The following GALNT13 variants were observed in gnomAD, a reference collection of about 807,000 sequenced individuals.
The protein encoded by GALNT13 is UDP-GalNAc:polypeptide N-acetylgalactosaminyltransferase 13.
A neutral mutation model predicts 64.2 loss-of-function variants in GALNT13; 28 were observed. That is an observed-to-expected ratio of 0.44 (90% CI 0.32 to 0.60). The LOEUF (loss-of-function observed/expected upper bound fraction) is 0.60. Among genes scored for constraint, GALNT13 ranks in the 20% least tolerant of loss-of-function variants. The pLI, the probability that GALNT13 is intolerant of heterozygous loss-of-function variation, is 0.05. For synonymous variants in GALNT13, 214 were observed against 224.6 expected, an observed-to-expected ratio of 0.95 and a Z score of 0.42; for missense variants, 577 against 669.8, an observed-to-expected ratio of 0.86 and a Z score of 1.53.
chr2:154,157,360 A>T (rs1684480939), intron 4 of GALNT13, among the ~76,000 whole-genome samples: 1 of 152,062 alleles, frequency 6.6e-6, no homozygotes, highest in South Asian at 2.1e-4. Context: ...CTTAAGCACA[A>T]GTGCACTGTT....
the GALNT13 span, among the ~76,000 whole-genome samples, chr2:153,589,243 C>T: frequency 6.6e-6 from 1 of 152,328 alleles, no homozygotes; most frequent in African/African-American, 2.4e-5. Context: ...TGCCGCCAGT[C>T]TCTTTGCTAA....
chr2:153,221,289 T>C, the GALNT13 span, among the ~76,000 whole-genome samples: 2 of 152,044 alleles, frequency 1.3e-5, no homozygotes, highest in African/African-American at 4.8e-5. Flanking sequence ...TCAAAATACA[T>C]ACATGCATAC....
At chr2:153,313,192 A>G in the GALNT13 span, among the ~76,000 whole-genome samples, 41 of 152,324 alleles carry the variant, frequency 2.7e-4, no homozygotes, top group African/African-American at 9.1e-4. Flanking sequence ...TACTGGATAT[A>G]TACTCAAAGG....
intron 9 of GALNT13, among the ~76,000 whole-genome samples, chr2:154,309,243 G>A (rs755305501): frequency 2.0e-5 from 3 of 151,884 alleles, no homozygotes; most frequent in Admixed American, 1.3e-4. Flanking sequence ...CCTCCTTCTC[G>A]CCCACAGTCT....
At chr2:153,458,054 A>G in the GALNT13 span, among the ~76,000 whole-genome samples, 1 of 152,178 alleles carries the variant, frequency 6.6e-6, no homozygotes, top group African/African-American at 2.4e-5. Context: ...TCTAGACAGA[A>G]CTACTATAAG....
At chr2:154,298,518 TTATATATA>T (rs1313394903) in intron 8 of GALNT13, among the ~76,000 whole-genome samples, 36 of 116,230 alleles carry the variant, frequency 3.1e-4, no homozygotes, top group East Asian at 1.7e-3. Context: ...AAATTATATA[TTATATATA>T]AAATTGTATA....
At chr2:153,473,133 C>G in the GALNT13 span, among the ~76,000 whole-genome samples, 1 of 151,886 alleles carries the variant, frequency 6.6e-6, no homozygotes, top group Non-Finnish European at 1.5e-5. Flanking sequence ...ACGTGTATAC[C>G]TATGTAATAA....
the GALNT13 span, among the ~76,000 whole-genome samples, chr2:153,273,949 T>C: frequency 6.6e-6 from 1 of 152,210 alleles, no homozygotes; most frequent in South Asian, 2.1e-4. Context: ...TTATTTTTGA[T>C]TGTTTATCAT....
the GALNT13 span, among the ~76,000 whole-genome samples, chr2:153,104,890 A>G: frequency 1.3e-5 from 2 of 151,070 alleles, no homozygotes; most frequent in East Asian, 3.9e-4. Context: ...TCTTTTTTTT[A>G]TTATTATTAT....
chr2:153,722,858 C>T, the GALNT13 span, among the ~76,000 whole-genome samples: 43 of 150,802 alleles, frequency 2.9e-4, no homozygotes, highest in African/African-American at 8.6e-4. Context: ...GATTCACAGC[C>T]GAATTCTACC....
chr2:153,419,673 TACAC>T, the GALNT13 span, among the ~76,000 whole-genome samples: 1 of 152,186 alleles, frequency 6.6e-6, no homozygotes, highest in East Asian at 1.9e-4. Context: ...CACACACACA[TACAC>T]ACACTACATG....
At chr2:154,045,764 C>T (rs1015724778) in intron 3 of GALNT13, among the ~76,000 whole-genome samples, 11 of 152,282 alleles carry the variant, frequency 7.2e-5, no homozygotes, top group South Asian at 4.1e-4. Context: ...ACCCTTCCTC[C>T]GCTCACCAAA....
the GALNT13 span, among the ~76,000 whole-genome samples, chr2:153,392,784 C>A: frequency 6.6e-6 from 1 of 151,926 alleles, no homozygotes; most frequent in Admixed American, 6.6e-5. Flanking sequence ...TGATGTCCCC[C>A]CAAAGTTTAT....
the GALNT13 span, among the ~76,000 whole-genome samples, chr2:153,270,585 A>G: frequency 6.6e-6 from 1 of 152,164 alleles, no homozygotes. Context: ...TTGTGGCCAG[A>G]CATAGTGACT....
the GALNT13 span, among the ~76,000 whole-genome samples, chr2:153,276,704 TC>T: frequency 0.83 from 125,504 of 152,014 alleles, 53,003 homozygotes; most frequent in African/African-American, 0.91. Flanking sequence ...CAATTGAATA[TC>T]CCCCTCTTAT....
intron 3 of GALNT13, 109 bp from the exon 4 acceptor site, chr2:154,140,228 C>T (rs986350283): frequency 1.3e-6 from 1 of 745,464 alleles, no homozygotes; most frequent in Non-Finnish European, 2.1e-6. Flanking sequence ...TATTATAAAA[C>T]CTGTATGTAA....
chr2:154,270,450 C>T (rs576761590), intron 8 of GALNT13, among the ~76,000 whole-genome samples: 17 of 151,738 alleles, frequency 1.1e-4, no homozygotes, highest in Middle Eastern at 3.4e-3. Context: ...ACCCATAATT[C>T]GTTTTTAAAG....
At chr2:153,329,756 G>T in the GALNT13 span, among the ~76,000 whole-genome samples, 4 of 152,108 alleles carry the variant, frequency 2.6e-5, no homozygotes, top group Admixed American at 2.0e-4. Context: ...AGTTTATATT[G>T]CTGTGAAGAA....
chr2:153,162,326 G>A, the GALNT13 span, among the ~76,000 whole-genome samples: 1 of 151,966 alleles, frequency 6.6e-6, no homozygotes, highest in African/African-American at 2.4e-5. Flanking sequence ...TTACCTTTTG[G>A]TCTTTTATTT....
Sources: gnomAD v4.1 joint callset for allele counts (sites outside exome capture counted in the v4.1 genomes callset) on GRCh38, gnomAD v4.1.1 for gene constraint, MANE v1.5 for transcripts, NCBI Gene and HGNC (gene_info 2026-07-23, HGNC 2026-07-21) for gene names.